Variants in CPT1A observed in about 807,000 individuals in gnomAD.
CPT1A encodes the protein carnitine O-palmitoyltransferase 1, liver isoform.
A neutral mutation model predicts 100.8 loss-of-function variants in CPT1A; 64 were observed. That is an observed-to-expected ratio of 0.63 (90% CI 0.52 to 0.78). The LOEUF (loss-of-function observed/expected upper bound fraction) is 0.78. CPT1A is among the 30% of genes least tolerant of loss of function. CPT1A has a pLI of 0.00. For missense variants in CPT1A, 802 were observed against 1,034.1 expected (o/e 0.78, Z 3.08); for synonymous variants, 363 against 396.0 (o/e 0.92, Z 0.99).
chr11:68,842,325 C>T (rs962379251), upstream of CPT1A, among the ~76,000 whole-genome samples: 10 of 152,076 alleles, frequency 6.6e-5, no homozygotes, highest in Non-Finnish European at 2.9e-5. Flanking sequence ...GAGAAGCAAC[C>T]GATCCACAGG....
At chr11:68,761,800 G>T in intron 15 of CPT1A, 113 bp from the exon 16 acceptor site, 3 of 1,302,872 alleles carry the variant, frequency 2.3e-6, no homozygotes, top group Non-Finnish European at 3.3e-6. Context: ...TAGTAGAGAC[G>T]GGGTTTCAAC....
intron 1 of CPT1A, among the ~76,000 whole-genome samples, chr11:68,829,438 C>A (rs189120667): frequency 6.6e-6 from 1 of 152,002 alleles, no homozygotes; most frequent in Admixed American, 6.5e-5. Flanking sequence ...GTTTACACAG[C>A]GTGACCATTG....
At chr11:68,785,102 G>C in intron 9 of CPT1A, 92 bp from the exon 10 acceptor site, 1 of 1,091,384 alleles carries the variant, frequency 9.2e-7, no homozygotes. Context: ...AAAGGGCATG[G>C]GAGTCCCTGC....
Position 68,838,581 on chromosome 11 carries a change from A to AAAAAAAAAG in CPT1A, c.-14+3193_-14+3194insCTTTTTTTT. Among the ~76,000 whole-genome samples the AAAAAAAAAG allele has an allele frequency of 1.4e-5, 2 of 145,694 alleles. 1 individual carries two copies. Among genetic ancestry groups the AAAAAAAAAG allele is most frequent in the Admixed American group, 1.4e-4 (2 of 14,726 alleles). On this transcript the variant is annotated intron_variant, in intron 1 of 18. Transcript: ENST00000265641. ...TGTATCTGCACCTTTTTAAAAAAAA[A>AAAAAAAAAG]AAAAAAAAAACAGAGACAGGGTCTG... is the stretch of plus-strand genomic sequence containing the variant.
chr11:68,840,096 C>A (rs1857122043), intron 1 of CPT1A, among the ~76,000 whole-genome samples: 1 of 152,168 alleles, frequency 6.6e-6, no homozygotes, highest in Admixed American at 6.5e-5. Flanking sequence ...AATTTACATG[C>A]GAAAAGCAGT....
Position 68,841,806 on chromosome 11 carries a change from C to T in CPT1A, c.-45G>A. ...AGCTACGGAGGTGCGGCAGCGGCAG[C>T]GGCAGCGGCGGCGGCGGCGGCGGCG... On this transcript the variant is annotated 5_prime_UTR_variant, in exon 1 of 19. Transcript: ENST00000265641. The surrounding 1 kb of genome is among the most constrained non-coding windows in gnomAD (Gnocchi z 6.3). 2.0e-6 allele frequency: 2 copies of T among 996,802 alleles called. No individual in the cohort carries two copies. Among genetic ancestry groups the T allele is most frequent in the African/African-American group, 1.7e-5 (1 of 57,292 alleles). The allele number at this position is 996,802 out of a possible 1,614,324, so 61.7% of individuals were successfully genotyped here.
intron 13 of CPT1A, chr11:68,773,816 T>C: frequency 3.2e-6 from 1 of 312,274 alleles, no homozygotes; most frequent in Non-Finnish European, 6.3e-6. Context: ...GACCAGCAGC[T>C]TCCCGATAAG....
rs1358662834 is a variant in CPT1A at position 68,841,711 on chromosome 11, C to G, written c.-14+64G>C. On this transcript the variant is annotated intron_variant, in intron 1 of 18. Transcript: ENST00000265641. The surrounding 1 kb of genome is among the most constrained non-coding windows in gnomAD (Gnocchi z 6.3). ...CCGGCAGCCCCGCGCCCCGCCCGTC[C>G]CCGGCCCCCGCAGCCCGCAGGGCCG... 3 of 880,824 alleles carry G rather than the reference C, an allele frequency of 3.4e-6. No individual in the cohort carries two copies. The highest frequency in any genetic ancestry group is 1.2e-4 in the Admixed American group (2 of 16,060). The allele number at this position is 880,824 out of a possible 1,614,324, so 54.6% of individuals were successfully genotyped here. A position where few individuals can be genotyped will look rare whatever the true frequency, so the allele number is the denominator to read the frequency against.
At chr11:68,818,446 C>T (rs901855342) in intron 1 of CPT1A, among the ~76,000 whole-genome samples, 2 of 152,202 alleles carry the variant, frequency 1.3e-5, no homozygotes, top group African/African-American at 4.8e-5. Context: ...AGACGACACA[C>T]CCGGGAGGTA....
chr11:68,783,052 G>A (rs1029287014), intron 10 of CPT1A, among the ~76,000 whole-genome samples: 3 of 152,128 alleles, frequency 2.0e-5, no homozygotes, highest in Non-Finnish European at 4.4e-5. Context: ...CTTCACCCGA[G>A]ATGCATCTCC....
At chr11:68,758,806 C>G (rs914365365) in intron 18 of CPT1A, among the ~76,000 whole-genome samples, 2 of 151,452 alleles carry the variant, frequency 1.3e-5, no homozygotes, top group Admixed American at 6.6e-5. Context: ...TTAGTAGAGG[C>G]GGGGTTTCAC....
chr11:68,830,707 G>A (rs1037575939), intron 1 of CPT1A, among the ~76,000 whole-genome samples: 1 of 152,134 alleles, frequency 6.6e-6, no homozygotes, highest in African/African-American at 2.4e-5. Context: ...TAACTGGCTC[G>A]CAGCTGGGAA....
chr11:68,799,063 C>T (rs560563139), intron 6 of CPT1A, among the ~76,000 whole-genome samples, 155 bp downstream of exon 6: 12 of 152,306 alleles, frequency 7.9e-5, no homozygotes, highest in African/African-American at 2.6e-4. Context: ...CACACACACT[C>T]CACTCTGCAC....
chr11:68,788,211 A>G (rs1000352415), intron 9 of CPT1A, among the ~76,000 whole-genome samples: 1 of 152,186 alleles, frequency 6.6e-6, no homozygotes, highest in African/African-American at 2.4e-5. Context: ...GAAAAGGAAC[A>G]AAACAATAAA....
At chr11:68,773,949 GC>G in intron 13 of CPT1A, 1 of 195,846 alleles carries the variant, frequency 5.1e-6, no homozygotes, top group South Asian at 9.8e-5. Flanking sequence ...CCTCAAGTGA[GC>G]ATGCGCACAA....
rs61731904 is a variant in CPT1A at position 68,812,478 on chromosome 11, C to T, written c.240G>A (p.Ser80=). Residue 80 remains serine (S), a synonymous_variant, in exon 3 of 19, where the codon TCG becomes TCA. Coordinates refer to ENST00000265641, the MANE Select transcript of CPT1A (RefSeq NM_001876.4). Reference sequence around the variant, plus strand: ...GATTGATTTTTGCAATTATTCCTAACGAGGGGTCGATCTTGGCGTACATCG... The same window carrying T: ...GATTGATTTTTGCAATTATTCCTAATGAGGGGTCGATCTTGGCGTACATCG... ...MTTMYAKIDP[S]LGIIAKINRT... The T allele has an allele frequency of 3.7e-3, 5,893 of 1,614,174 alleles. 203 individuals carry two copies. In the African/African-American group the frequency reaches 0.07, roughly 19 times the overall value.
At chr11:68,759,493 T>G (rs1208758446) in intron 18 of CPT1A, 76 bp downstream of exon 18, 2 of 964,310 alleles carry the variant, frequency 2.1e-6, no homozygotes, top group East Asian at 4.8e-5. Context: ...TCTGTCAAAT[T>G]AAAGATGTGT....
Position 68,781,838 on chromosome 11 carries a change from T to A in CPT1A, c.1285A>T (p.Ser429Cys). 3 of 1,614,146 alleles carry A rather than the reference T, an allele frequency of 1.9e-6. No individual in the cohort carries two copies. Among genetic ancestry groups the A allele is most frequent in the Non-Finnish European group, 2.5e-6 (3 of 1,180,036 alleles). ...TCCATTGACGTATCCGGGTCTTCAC[T>A]TCTGTATCCTTCTTCAGTTTCATCT... The part of the protein sequence containing the change: ...TLDETEEGYR[S>C]EDPDTSMDSY... Residue 429 changes from serine to cysteine, a missense_variant, in exon 11 of 19, where the codon AGT becomes TGT. Ser to Cys is a moderately radical substitution (Grantham distance 112). Transcript: ENST00000265641.
rs1249866392 is a variant in CPT1A at position 68,841,360 on chromosome 11, T to TGACC, written c.-14+411_-14+414dup. ...ATCCCTCCCGCGGCCACCCGCAGGC[T>TGACC]GACCGACCCCTGGGCAGACCCTCAG... On this transcript the variant is annotated intron_variant, in intron 1 of 18. Coordinates refer to ENST00000265641, the MANE Select transcript of CPT1A (RefSeq NM_001876.4). The surrounding 1 kb of genome is among the most constrained non-coding windows in gnomAD (Gnocchi z 6.3). Among the ~76,000 whole-genome samples, 14 of 151,174 alleles carry TGACC rather than the reference T, an allele frequency of 9.3e-5. No individual in the cohort carries two copies. The highest frequency in any genetic ancestry group is 1.5e-5 in the Non-Finnish European group (1 of 67,776).
Sources: gnomAD v4.1 joint callset for allele counts (sites outside exome capture counted in the v4.1 genomes callset) on GRCh38, gnomAD v4.1.1 for gene constraint, Gnocchi (gnomAD v3.1) non-coding constraint, MANE v1.5 for transcripts, NCBI Gene and HGNC (gene_info 2026-07-23, HGNC 2026-07-21) for gene names.